Variants in NRAP observed in about 807,000 individuals in gnomAD.
NRAP encodes the protein nebulin-related-anchoring protein.
Under a neutral mutation model 225.9 loss-of-function variants are expected in NRAP, and 189 were observed. The observed-to-expected ratio is 0.84, with a 90% CI of 0.74 to 0.94. NRAP has a LOEUF of 0.94. NRAP is among the 40% of genes least tolerant of loss of function. The pLI, the probability that NRAP is intolerant of heterozygous loss-of-function variation, is 0.00. For synonymous variants in NRAP, 769 were observed against 790.7 expected (o/e 0.97, Z 0.46); for missense variants, 2,176 against 2,168.7 (o/e 1.00, Z -0.07).
chr10:113,590,796 C>T lies in NRAP; in HGVS notation c.4738G>A (p.Val1580Ile), dbSNP rs751527727. ...TCATTGTCACTCTGGAGCCTGCCAACGTTGAGGAAATGCTTCATCCTTGGG... is the reference window on the plus strand; with the variant it reads ...TCATTGTCACTCTGGAGCCTGCCAATGTTGAGGAAATGCTTCATCCTTGGG... Reference protein sequence around the residue: ...DDPRMKHFLNVGRLQSDNEYK... With the variant: ...DDPRMKHFLNIGRLQSDNEYK... The change falls in exon 40 of 42, where the codon GTT (valine) becomes ATT (isoleucine). Residue 1580 changes from valine (V) to isoleucine (I), a missense_variant. Physicochemically the swap from Val to Ile is conservative, Grantham distance 29 (BLOSUM62 3). This residue lies in a region of NRAP where 445 missense variants were observed against 426.1 expected (regional missense o/e 1.04). Transcript: ENST00000359988. The T allele has an allele frequency of 3.1e-6, 5 of 1,614,210 alleles. No individual in the cohort carries two copies. Among genetic ancestry groups the T allele is most frequent in the Middle Eastern group, 1.6e-4 (1 of 6,062 alleles).
At chr10:113,597,034 G>A (rs1846319794) in intron 37 of NRAP, 52 bp downstream of exon 37, 2 of 1,211,722 alleles carry the variant, frequency 1.7e-6, no homozygotes, top group East Asian at 2.3e-5. Context: ...CCGGACCACT[G>A]AGCAGCAGTG....
Position 113,652,979 on chromosome 10 carries a change from G to A in NRAP, c.526C>T (p.Pro176Ser). 2 of 1,613,354 alleles carry A rather than the reference G, an allele frequency of 1.2e-6. No individual in the cohort carries two copies. Among genetic ancestry groups the A allele is most frequent in the East Asian group, 2.2e-5 (1 of 44,820 alleles). The change falls in exon 6 of 42, where the codon CCT becomes TCT. Residue 176 changes from proline to serine, a missense_variant. Coordinates refer to ENST00000359988, the MANE Select transcript of NRAP (RefSeq NM_198060.4). Reference protein sequence around the residue: ...GKGSFPAMITPAYQRAKKANQ... With the variant: ...GKGSFPAMITSAYQRAKKANQ... ...GCTTTCTTGGCCCTTTGATAAGCAG[G>A]TGTGATCATGGCTGGAAAGCTCCCC...
At chr10:113,643,970 C>T (rs955870111) in intron 11 of NRAP, among the ~76,000 whole-genome samples, 9 of 151,500 alleles carry the variant, frequency 5.9e-5, no homozygotes, top group African/African-American at 1.7e-4. Flanking sequence ...GACGGGGTTT[C>T]ACCCCGTCTC....
intron 3 of NRAP, among the ~76,000 whole-genome samples, chr10:113,660,461 A>T (rs1746026566): frequency 6.6e-6 from 1 of 152,178 alleles, no homozygotes; most frequent in South Asian, 2.1e-4. Context: ...GGAAGCTCAC[A>T]TCACTGTCTG....
intron 9 of NRAP, 112 bp downstream of exon 9, chr10:113,649,925 A>T (rs1024620020): frequency 3.1e-6 from 2 of 655,598 alleles, no homozygotes; most frequent in Non-Finnish European, 5.5e-6. Context: ...TTCATAAAAA[A>T]GGTAAAGATA....
chr10:113,602,688 C>A (rs1341504270), intron 35 of NRAP, among the ~76,000 whole-genome samples: 1 of 152,196 alleles, frequency 6.6e-6, no homozygotes, highest in Non-Finnish European at 1.5e-5. Context: ...TTGCTATCGA[C>A]AATTAATCTA....
intron 25 of NRAP, among the ~76,000 whole-genome samples, chr10:113,620,088 C>T (rs562538202): frequency 2.0e-5 from 3 of 152,240 alleles, no homozygotes; most frequent in Admixed American, 2.0e-4. Context: ...CGACTCTTTT[C>T]GCAAGCAGTG....
At chr10:113,612,618 C>T (rs1035450012) in intron 29 of NRAP, among the ~76,000 whole-genome samples, 187 bp from the exon 30 acceptor site, 5 of 152,152 alleles carry the variant, frequency 3.3e-5, no homozygotes, top group Middle Eastern at 3.2e-3. Context: ...CTGACACTTA[C>T]CACCCCCAGC....
chr10:113,614,431 G>T, intron 28 of NRAP, 135 bp from the exon 29 acceptor site: 1 of 664,888 alleles, frequency 1.5e-6, no homozygotes, highest in Non-Finnish European at 2.7e-6. Flanking sequence ...CGCGGGAGTC[G>T]TCAAAAGGGC....
chr10:113,604,598 G>GC lies in NRAP; in HGVS notation c.4227+10dup, dbSNP rs1564704694. 7 of 1,606,540 alleles carry GC rather than the reference G, an allele frequency of 4.4e-6. No homozygotes were observed. The highest frequency in any genetic ancestry group is 6.0e-6 in the Non-Finnish European group (7 of 1,174,154). On this transcript the variant is annotated intron_variant, in intron 35 of 41. Transcript: ENST00000359988. ...TGGGGGCTGGTTTGCATTCCACAAGGCCACCCCTACCTCACTCTGCAGGGC... is the reference window on the plus strand; with the variant it reads ...TGGGGGCTGGTTTGCATTCCACAAGGCCCACCCCTACCTCACTCTGCAGGGC...
At chr10:113,624,708 C>G in intron 22 of NRAP, 118 bp downstream of exon 22, 1 of 714,344 alleles carries the variant, frequency 1.4e-6, no homozygotes, top group Non-Finnish European at 2.5e-6. Context: ...TTACAACAAC[C>G]AGATGTATGT....
In NRAP at chr10:113,633,204, T is replaced by C; in HGVS notation, c.1528-16A>G. 1 of 1,423,008 alleles carries C rather than the reference T, an allele frequency of 7.0e-7. No homozygotes were observed. The highest frequency in any genetic ancestry group is 9.9e-7 in the Non-Finnish European group (1 of 1,005,964). 88.1% of individuals were successfully genotyped at this position (1,423,008 alleles called of 1,614,324 possible). On this transcript the variant is annotated splice_polypyrimidine_tract_variant and intron_variant, in intron 15 of 41. Coordinates refer to ENST00000359988, the MANE Select transcript of NRAP (RefSeq NM_198060.4). ...GGTAATTCACCTGTTGGATTTAAAATAAATCTGTAGGGTTTTTATATGGGC... is the reference window on the plus strand; with the variant it reads ...GGTAATTCACCTGTTGGATTTAAAACAAATCTGTAGGGTTTTTATATGGGC...
intron 11 of NRAP, 129 bp downstream of exon 11, chr10:113,645,696 C>T (rs1445484465): frequency 1.8e-5 from 10 of 553,218 alleles, no homozygotes; most frequent in East Asian, 6.0e-5. Context: ...GGATCACAGG[C>T]GTGAGCCACC....
intron 32 of NRAP, among the ~76,000 whole-genome samples, chr10:113,607,237 A>AAAAC (rs1386690760): frequency 7.0e-6 from 1 of 143,512 alleles, no homozygotes; most frequent in Admixed American, 7.0e-5. Flanking sequence ...AAAACAAAAC[A>AAAAC]AAAAACAAAA....
chr10:113,621,963 T>C lies in NRAP; in HGVS notation c.2675A>G (p.Asp892Gly). The change falls in exon 24 of 42, where the codon GAC (aspartate) becomes GGC (glycine). Residue 892 changes from aspartate to glycine, a missense_variant. Physicochemically the swap from Asp to Gly is moderately conservative, Grantham distance 94 (BLOSUM62 -1). Transcript: ENST00000359988. The part of the protein sequence containing the change: ...HARKAQHLAT[D>G]VGYKTAEHHF... ...ATGTTCCGCTGTCTTGTAGCCTACG[T>C]CTGTGGCTAAATGCTGAGCTTTGCG... The C allele has an allele frequency of 6.2e-7, 1 of 1,614,208 alleles. No homozygotes were observed. The highest frequency in any genetic ancestry group is 1.1e-5 in the South Asian group (1 of 91,078).
At position 113,597,104 on chromosome 10, in the gene NRAP, G is replaced by A. The variant is rs767211176; in HGVS notation, c.4413C>T (p.Ser1471=). Residue 1471 remains serine, a synonymous_variant, in exon 37 of 42, where the codon AGC becomes AGT. Coordinates refer to ENST00000359988, the MANE Select transcript of NRAP (RefSeq NM_198060.4). ...DSPDLVHAKN[S]YMHCNERMYR... is the part of the protein sequence containing the mutation. ...GACCCACCTCATTGCAGTGCATATAGCTGTTCTTGGCATGAACCAGGTCTG... is the reference window on the plus strand; with the variant it reads ...GACCCACCTCATTGCAGTGCATATAACTGTTCTTGGCATGAACCAGGTCTG... 1.9e-6 allele frequency: 3 copies of A among 1,612,152 alleles called. No individual in the cohort carries two copies. In the South Asian group the frequency reaches 3.3e-5, roughly 18 times the overall value.
At chr10:113,653,949 G>T in intron 5 of NRAP, 72 bp downstream of exon 5, 3 of 912,292 alleles carry the variant, frequency 3.3e-6, no homozygotes, top group Non-Finnish European at 5.5e-6. Flanking sequence ...AATTGTAAAA[G>T]TCAAGGAACA....
intron 9 of NRAP, among the ~76,000 whole-genome samples, chr10:113,647,801 A>T (rs1464014025): frequency 1.3e-5 from 2 of 152,208 alleles, no homozygotes; most frequent in Non-Finnish European, 2.9e-5. Context: ...AATTACCATA[A>T]GATTATCTGA....
intron 3 of NRAP, among the ~76,000 whole-genome samples, chr10:113,660,086 A>ACC (rs1554872642): frequency 3.7e-4 from 53 of 144,576 alleles, no homozygotes; most frequent in African/African-American, 1.3e-3. Flanking sequence ...ACACACACAC[A>ACC]CCATATACAC....
Sources: gnomAD v4.1 joint callset for allele counts (sites outside exome capture counted in the v4.1 genomes callset) on GRCh38, gnomAD v4.1.1 for gene constraint, gnomAD v4.1.1 regional missense constraint, MANE v1.5 for transcripts, NCBI Gene and HGNC (gene_info 2026-07-23, HGNC 2026-07-21) for gene names.